CCDC178: variants seen among roughly 807,000 people sequenced by gnomAD.
CCDC178 encodes coiled-coil domain containing 178.
A neutral mutation model predicts 117.4 loss-of-function variants in CCDC178; 126 were observed. That is an observed-to-expected ratio of 1.07 (90% CI 0.93 to 1.24). The LOEUF (loss-of-function observed/expected upper bound fraction) is 1.24, where lower values mean the gene tolerates loss of function less well. CCDC178 is among the 50% of genes most tolerant of loss of function. CCDC178 has a pLI of 0.00. For synonymous variants in CCDC178, 283 were observed against 313.4 expected, an observed-to-expected ratio of 0.90 and a Z score of 1.02; for missense variants, 1,030 against 986.9, an observed-to-expected ratio of 1.04 and a Z score of -0.59.
At chr18:33,202,020 CA>C (rs905697462) in intron 20 of CCDC178, among the ~76,000 whole-genome samples, 1 of 152,064 alleles carries the variant, frequency 6.6e-6, no homozygotes, top group African/African-American at 2.4e-5. Context: ...GGCTGACTCC[CA>C]GATCTTATAC....
Position 33,379,033 on chromosome 18 carries a change from T to C in CCDC178, c.209-8844A>G, listed in dbSNP as rs539545570. On this transcript the variant is annotated intron_variant, in intron 5 of 22. Transcript: ENST00000383096. Reference sequence around the variant, plus strand: ...TTAGTTTCTTCTCATCTGGAGATGCTGGCAACTCTAAATTTTGTAAATATT... The same window carrying C: ...TTAGTTTCTTCTCATCTGGAGATGCCGGCAACTCTAAATTTTGTAAATATT... 3.2e-3 allele frequency among the ~76,000 whole-genome samples: 477 copies of C among 150,884 alleles called. 4 individuals are homozygous for C. Among genetic ancestry groups the C allele is most frequent in the Non-Finnish European group, 4.0e-3 (271 of 67,752 alleles).
chr18:33,010,901 G>A (rs531594415), intron 21 of CCDC178, among the ~76,000 whole-genome samples: 10 of 152,286 alleles, frequency 6.6e-5, no homozygotes, highest in South Asian at 4.1e-4. Flanking sequence ...TCAGAGTGCT[G>A]TGTTAAGGTA....
intron 21 of CCDC178, among the ~76,000 whole-genome samples, chr18:33,030,388 G>T (rs565820474): frequency 2.0e-5 from 3 of 151,988 alleles, no homozygotes; most frequent in Non-Finnish European, 2.9e-5. Flanking sequence ...GTATGTAGTT[G>T]AATGTTTTCT....
intron 10 of CCDC178, among the ~76,000 whole-genome samples, chr18:33,327,105 A>C (rs1278991268): frequency 6.6e-6 from 1 of 152,182 alleles, no homozygotes; most frequent in Non-Finnish European, 1.5e-5. Context: ...ATGACAAACA[A>C]AACTCGATAT....
intron 17 of CCDC178, among the ~76,000 whole-genome samples, chr18:33,224,499 T>A (rs2059277138): frequency 6.6e-6 from 1 of 152,124 alleles, no homozygotes; most frequent in African/African-American, 2.4e-5. Flanking sequence ...TGAATCAAGT[T>A]TAACATAATG....
chr18:33,192,525 T>C (rs1411167034), intron 20 of CCDC178, among the ~76,000 whole-genome samples: 1 of 152,200 alleles, frequency 6.6e-6, no homozygotes, highest in South Asian at 2.1e-4. Context: ...AAAAAAACAC[T>C]GTCCCTGCCT....
intron 11 of CCDC178, among the ~76,000 whole-genome samples, chr18:33,314,854 C>T (rs1296938591): frequency 6.6e-6 from 1 of 152,086 alleles, no homozygotes; most frequent in African/African-American, 2.4e-5. Context: ...AGCCTCAGAA[C>T]CTAAGGAAAA....
intron 2 of CCDC178, among the ~76,000 whole-genome samples, chr18:33,424,042 T>C (rs2064075621): frequency 6.6e-6 from 1 of 152,200 alleles, no homozygotes; most frequent in Non-Finnish European, 1.5e-5. Flanking sequence ...CATGAAAATA[T>C]TGTTTAGTTC....
intron 5 of CCDC178, among the ~76,000 whole-genome samples, chr18:33,381,957 G>T (rs2063443626): frequency 6.6e-6 from 1 of 151,586 alleles, no homozygotes; most frequent in Admixed American, 6.6e-5. Flanking sequence ...ATAGCACATA[G>T]ATATTCCAGT....
rs538251933 is a variant in CCDC178, at chr18:33,141,424, A to G, written c.2239-48514T>C. Among the ~76,000 whole-genome samples the G allele has an allele frequency of 2.0e-5, 3 of 152,280 alleles. No individual in the cohort carries two copies. The East Asian group carries it at 5.8e-4, about 29-fold the overall frequency. ...AATCCTTGACACTCCTTCTTCCTGC[A>G]GATCAGAAGCAGAAGAGCTGGCTGG... On this transcript the variant is annotated intron_variant, in intron 20 of 22. Transcript: ENST00000383096.
intron 20 of CCDC178, among the ~76,000 whole-genome samples, chr18:33,190,460 A>T (rs1209295979): frequency 6.6e-6 from 1 of 152,162 alleles, no homozygotes; most frequent in Non-Finnish European, 1.5e-5. Flanking sequence ...TAAGTTTATA[A>T]TTTTTATGAG....
chr18:32,972,186 A>C (rs2054940635), intron 22 of CCDC178, among the ~76,000 whole-genome samples: 1 of 152,012 alleles, frequency 6.6e-6, no homozygotes, highest in African/African-American at 2.4e-5. Context: ...ATCTTGAGCT[A>C]ATTTTTGTAT....
intron 20 of CCDC178, among the ~76,000 whole-genome samples, chr18:33,125,012 A>C (rs939434955): frequency 6.6e-6 from 1 of 152,092 alleles, no homozygotes; most frequent in African/African-American, 2.4e-5. Flanking sequence ...CCACCTGCAC[A>C]CATTTGCTTG....
chr18:33,271,781 A>G (rs1424141004), intron 12 of CCDC178, among the ~76,000 whole-genome samples: 2 of 151,692 alleles, frequency 1.3e-5, no homozygotes, highest in East Asian at 3.9e-4. Flanking sequence ...AATTCAAAAC[A>G]TATGGACATT....
At chr18:32,940,624 G>A (rs2054217301) in intron 22 of CCDC178, among the ~76,000 whole-genome samples, 1 of 151,830 alleles carries the variant, frequency 6.6e-6, no homozygotes, top group Non-Finnish European at 1.5e-5. Context: ...AGTTATCTAG[G>A]TACTAAGCCT....
At chr18:33,375,693 T>C (rs1459794641) in intron 5 of CCDC178, among the ~76,000 whole-genome samples, 1 of 152,114 alleles carries the variant, frequency 6.6e-6, no homozygotes, top group Non-Finnish European at 1.5e-5. Flanking sequence ...GAGGCATCCA[T>C]GGGAGCTTCA....
At chr18:33,224,695 A>G in intron 17 of CCDC178, 80 bp downstream of exon 17, 1 of 935,256 alleles carries the variant, frequency 1.1e-6, no homozygotes. Context: ...AATTTCCCAA[A>G]TGATAATGTA....
At chr18:33,127,492 G>T (rs1283442265) in intron 20 of CCDC178, among the ~76,000 whole-genome samples, 3 of 152,120 alleles carry the variant, frequency 2.0e-5, no homozygotes, top group Non-Finnish European at 4.4e-5. Flanking sequence ...CTGGAGTGCA[G>T]CAGTGCAATC....
intron 2 of CCDC178, among the ~76,000 whole-genome samples, chr18:33,423,809 G>A (rs1171796317): frequency 6.6e-6 from 1 of 152,132 alleles, no homozygotes; most frequent in African/African-American, 2.4e-5. Context: ...AATTACTAGA[G>A]TTAGCAACTA....
Sources: gnomAD v4.1 joint callset for allele counts (sites outside exome capture counted in the v4.1 genomes callset) on GRCh38, gnomAD v4.1.1 for gene constraint, MANE v1.5 for transcripts, NCBI Gene and HGNC (gene_info 2026-07-23, HGNC 2026-07-21) for gene names.